Variants in ADAMTS6 observed in about 807,000 individuals in gnomAD.
The protein encoded by ADAMTS6 is ADAM metallopeptidase with thrombospondin type 1 motif 6.
In ADAMTS6, 23 loss-of-function variants were observed where a neutral mutation model predicts 144.3. The observed-to-expected ratio is 0.16, with a 90% CI of 0.11 to 0.23. The LOEUF is 0.23. Ranked by LOEUF, ADAMTS6 falls within the 10% of genes least tolerant of loss-of-function variation. The probability of loss-of-function intolerance (pLI) is 1.00; values close to 1 mark genes in which losing one functional copy is unlikely to be tolerated. For synonymous variants in ADAMTS6, 444 were observed against 457.5 expected (o/e 0.97, Z 0.38); for missense variants, 999 against 1,379.6 (o/e 0.72, Z 4.37).
At chr5:65,226,651 T>C (rs1329102483) in intron 15 of ADAMTS6, among the ~76,000 whole-genome samples, 3 of 152,072 alleles carry the variant, frequency 2.0e-5, no homozygotes, top group African/African-American at 7.2e-5. Flanking sequence ...AATGGTGCCA[T>C]GTCAGCTCAC....
intron 24 of ADAMTS6, among the ~76,000 whole-genome samples, chr5:65,167,652 G>T (rs1252715207): frequency 4.3e-4 from 55 of 127,546 alleles, no homozygotes; most frequent in Admixed American, 1.7e-4. Context: ...CTGGCAAACC[G>T]AATCCAGCAG....
At chr5:65,191,392 A>G (rs1014493612) in intron 21 of ADAMTS6, among the ~76,000 whole-genome samples, 1 of 152,186 alleles carries the variant, frequency 6.6e-6, no homozygotes, top group Non-Finnish European at 1.5e-5. Context: ...TCATAAAACC[A>G]GAATATTGTT....
chr5:65,232,799 C>T, intron 15 of ADAMTS6, among the ~76,000 whole-genome samples: 1 of 151,900 alleles, frequency 6.6e-6, no homozygotes, highest in Non-Finnish European at 1.5e-5. Flanking sequence ...ATTTTTCTCA[C>T]ACTTTTTCAA....
At chr5:65,405,048 CTT>C (rs1754319398) in intron 7 of ADAMTS6, among the ~76,000 whole-genome samples, 1 of 152,114 alleles carries the variant, frequency 6.6e-6, no homozygotes, top group African/African-American at 2.4e-5. Flanking sequence ...GATATTAGAC[CTT>C]TGTCAGATGA....
At chr5:65,440,333 C>T (rs1561543743) in intron 7 of ADAMTS6, among the ~76,000 whole-genome samples, 1 of 152,142 alleles carries the variant, frequency 6.6e-6, no homozygotes, top group Non-Finnish European at 1.5e-5. Flanking sequence ...CACTAGACAT[C>T]AGGAAGCAAA....
chr5:65,298,846 T>C (rs926397205), intron 10 of ADAMTS6, among the ~76,000 whole-genome samples: 14 of 152,106 alleles, frequency 9.2e-5, no homozygotes, highest in African/African-American at 3.4e-4. Flanking sequence ...TGTGACCTTT[T>C]AAAAATATCT....
chr5:65,236,680 A>G (rs1758698462), intron 15 of ADAMTS6, among the ~76,000 whole-genome samples: 1 of 152,232 alleles, frequency 6.6e-6, no homozygotes, highest in African/African-American at 2.4e-5. Context: ...AACAGTTCTA[A>G]GTAACCCAGA....
chr5:65,459,207 T>G (rs952335703), intron 4 of ADAMTS6, among the ~76,000 whole-genome samples: 4 of 152,132 alleles, frequency 2.6e-5, no homozygotes, highest in African/African-American at 9.7e-5. Context: ...ACCTTTAGAC[T>G]AACATCCTCC....
chr5:65,304,347 C>T (rs376950843), intron 9 of ADAMTS6, among the ~76,000 whole-genome samples: 1 of 152,136 alleles, frequency 6.6e-6, no homozygotes, highest in African/African-American at 2.4e-5. Flanking sequence ...AAATACATTT[C>T]TTTTTTGGCA....
At chr5:65,269,881 C>T in intron 12 of ADAMTS6, among the ~76,000 whole-genome samples, 1 of 151,436 alleles carries the variant, frequency 6.6e-6, no homozygotes, top group East Asian at 1.9e-4. Context: ...GCAACCTCCG[C>T]CTCCTGGGTT....
intron 21 of ADAMTS6, among the ~76,000 whole-genome samples, chr5:65,195,594 C>G (rs1011792628): frequency 6.6e-6 from 1 of 152,122 alleles, no homozygotes; most frequent in Non-Finnish European, 1.5e-5. Flanking sequence ...AGAAATGCAC[C>G]TTGAACAAGA....
intron 21 of ADAMTS6, among the ~76,000 whole-genome samples, chr5:65,194,710 T>TA (rs772492221): frequency 1.1e-4 from 17 of 152,006 alleles, no homozygotes; most frequent in Non-Finnish European, 2.4e-4. Flanking sequence ...TTTAGGTCTT[T>TA]AAAAAAAACC....
intron 7 of ADAMTS6, among the ~76,000 whole-genome samples, chr5:65,353,644 C>G (rs967291200): frequency 2.4e-4 from 36 of 151,948 alleles, no homozygotes; most frequent in African/African-American, 8.2e-4. Flanking sequence ...TGATGTTACT[C>G]ACAAATTCTA....
At chr5:65,433,471 T>C (rs62368968) in intron 7 of ADAMTS6, among the ~76,000 whole-genome samples, 10,758 of 152,240 alleles carry the variant, frequency 0.071, 519 homozygotes, top group Middle Eastern at 0.11. Flanking sequence ...ATCTATTGAA[T>C]AAATACTTGA....
At chr5:65,480,174 A>G (rs1041017923) in intron 1 of ADAMTS6, among the ~76,000 whole-genome samples, 2 of 152,236 alleles carry the variant, frequency 1.3e-5, no homozygotes, top group African/African-American at 4.8e-5. Flanking sequence ...AACTAAAAAG[A>G]AAGAAAAAAG....
chr5:65,301,564 G>C (rs927161133), intron 9 of ADAMTS6, among the ~76,000 whole-genome samples: 4 of 152,172 alleles, frequency 2.6e-5, no homozygotes, highest in African/African-American at 7.2e-5. Context: ...ATATGGAATT[G>C]ATCTGTCTAT....
At chr5:65,314,151 T>C (rs1351409208) in intron 9 of ADAMTS6, among the ~76,000 whole-genome samples, 1 of 152,060 alleles carries the variant, frequency 6.6e-6, no homozygotes, top group East Asian at 1.9e-4. Context: ...GATAGATAAT[T>C]AATGTGTGCA....
chr5:65,418,804 A>G (rs1264150773), intron 7 of ADAMTS6, among the ~76,000 whole-genome samples: 1 of 152,186 alleles, frequency 6.6e-6, no homozygotes, highest in Non-Finnish European at 1.5e-5. Flanking sequence ...AAAATGCTAA[A>G]CATCACTAAT....
intron 11 of ADAMTS6, among the ~76,000 whole-genome samples, chr5:65,289,072 A>G (rs1271802602): frequency 6.6e-6 from 1 of 152,238 alleles, no homozygotes; most frequent in African/African-American, 2.4e-5. Flanking sequence ...ATTTTCATAT[A>G]GTATATGAAT....
Sources: gnomAD v4.1 joint callset for allele counts (sites outside exome capture counted in the v4.1 genomes callset) on GRCh38, gnomAD v4.1.1 for gene constraint, MANE v1.5 for transcripts, NCBI Gene and HGNC (gene_info 2026-07-23, HGNC 2026-07-21) for gene names.